The following DYNC2H1 variants were observed in gnomAD, a reference collection of about 807,000 sequenced individuals.
DYNC2H1 encodes the protein dynein cytoplasmic 2 heavy chain 1.
Under a neutral mutation model 570.0 loss-of-function variants are expected in DYNC2H1, and 410 were observed. The ratio of observed to expected loss-of-function variants is 0.72; its 90% CI spans 0.66 to 0.78. The LOEUF (loss-of-function observed/expected upper bound fraction) is 0.78, where lower values mean the gene tolerates loss of function less well. Among genes scored for constraint, DYNC2H1 ranks in the 30% least tolerant of loss-of-function variants. The probability of loss-of-function intolerance (pLI) is 0.00; values close to 1 mark genes in which losing one functional copy is unlikely to be tolerated. For synonymous variants in DYNC2H1, 1,688 were observed against 1,677.6 expected, an observed-to-expected ratio of 1.01 and a Z score of -0.15; for missense variants, 4,865 against 5,046.4, an observed-to-expected ratio of 0.96 and a Z score of 1.09.
At position 103,148,632 on chromosome 11, in the gene DYNC2H1, G is replaced by A; in HGVS notation, c.2946+15G>A. 1 of 1,545,186 alleles carries A rather than the reference G, an allele frequency of 6.5e-7. No homozygotes were observed. Among genetic ancestry groups the A allele is most frequent in the South Asian group, 1.2e-5 (1 of 80,574 alleles). ...GGAAGCCAGAGGTGAGAATCACAAA[G>A]TAAAATTATTATTATTACTTTTTAC... On this transcript the variant is annotated intron_variant, in intron 20 of 88. Transcript: ENST00000375735.
chr11:103,364,041 C>T (rs1940780087), intron 83 of DYNC2H1, among the ~76,000 whole-genome samples: 1 of 151,986 alleles, frequency 6.6e-6, no homozygotes, highest in Non-Finnish European at 1.5e-5. Context: ...TTCTAGATAT[C>T]TGACAGAGAA....
rs1864357011 is a variant in DYNC2H1 at position 103,239,753 on chromosome 11, T to TA, written c.9819+3218dup. ...AAGAGTTAGGCTTTAGTTTTATTTA[T>TA]AAAATGTTTTTGCATTTGTCCCATT... is the stretch of plus-strand genomic sequence containing the variant. On this transcript the variant is annotated intron_variant, in intron 63 of 88. Transcript: ENST00000375735. The surrounding 1 kb of genome is among the most constrained non-coding windows in gnomAD (Gnocchi z 4.3). 6.6e-6 allele frequency among the ~76,000 whole-genome samples: 1 copy of TA among 152,102 alleles called. No homozygotes were observed. The highest frequency in any genetic ancestry group is 2.4e-5 in the African/African-American group (1 of 41,416).
intron 55 of DYNC2H1, among the ~76,000 whole-genome samples, chr11:103,217,024 T>C (rs1863412025): frequency 6.6e-6 from 1 of 152,190 alleles, no homozygotes. Context: ...ATTCTGTCAA[T>C]TTTATTTCCC....
intron 17 of DYNC2H1, among the ~76,000 whole-genome samples, chr11:103,138,772 A>G (rs996085665): frequency 2.0e-5 from 3 of 152,168 alleles, no homozygotes; most frequent in African/African-American, 7.2e-5. Context: ...TGATTGGAAT[A>G]GTTTCAGAAG....
intron 85 of DYNC2H1, among the ~76,000 whole-genome samples, chr11:103,454,757 T>A (rs963607499): frequency 6.6e-6 from 1 of 152,158 alleles, no homozygotes; most frequent in African/African-American, 2.4e-5. Flanking sequence ...TTCTTGGACA[T>A]TGCCCTCCAC....
chr11:103,190,641 T>A (rs1489935808), intron 45 of DYNC2H1, among the ~76,000 whole-genome samples: 1 of 151,986 alleles, frequency 6.6e-6, no homozygotes, highest in Non-Finnish European at 1.5e-5. Context: ...AATATTGGAG[T>A]AGAAGTGGGG....
intron 54 of DYNC2H1, among the ~76,000 whole-genome samples, chr11:103,213,623 CT>C (rs200681632): frequency 0.051 from 1,795 of 34,944 alleles, 35 homozygotes; most frequent in African/African-American, 0.089. Context: ...ATTTGTGTGT[CT>C]TTTAAAAAAA....
chr11:103,439,008 A>G lies in DYNC2H1; in HGVS notation c.12456+2976A>G, dbSNP rs891454298. Among the ~76,000 whole-genome samples, 1 of 152,128 alleles carries G rather than the reference A, an allele frequency of 6.6e-6. No homozygotes were observed. Among genetic ancestry groups the G allele is most frequent in the Non-Finnish European group, 1.5e-5 (1 of 67,996 alleles). ...AAAGATAATTCCGCAAATGTGATTA[A>G]TACTTTCCTGGTGCCAAACACTGTG... On this transcript the variant is annotated intron_variant, in intron 85 of 88. Coordinates refer to ENST00000375735, the MANE Select transcript of DYNC2H1 (RefSeq NM_001377.3). This position sits in a 1 kb window ranked among gnomAD's most constrained non-coding sequence, Gnocchi z 4.1.
At chr11:103,128,047 A>G (rs1188454905) in intron 12 of DYNC2H1, among the ~76,000 whole-genome samples, 1 of 152,264 alleles carries the variant, frequency 6.6e-6, no homozygotes, top group Non-Finnish European at 1.5e-5. Flanking sequence ...AAATGTCTAG[A>G]GGAAGACTAT....
At position 103,299,928 on chromosome 11, in the gene DYNC2H1, A is replaced by G. The variant is rs1382163497; in HGVS notation, c.11096-3165A>G. Among the ~76,000 whole-genome samples the G allele has an allele frequency of 1.3e-5, 2 of 152,024 alleles. No homozygotes were observed. Among genetic ancestry groups the G allele is most frequent in the Non-Finnish European group, 2.9e-5 (2 of 67,986 alleles). ...TTCCATTTCTAAAGTGCAGTTTCCC[A>G]TTTAATTGGTTCATATATATTGGGT... On this transcript the variant is annotated intron_variant, in intron 75 of 88. Transcript: ENST00000375735. The surrounding 1 kb of genome is among the most constrained non-coding windows in gnomAD (Gnocchi z 4.5).
In DYNC2H1 at chr11:103,157,799, A is replaced by G. The variant is rs930478460; in HGVS notation, c.4128-878A>G. Among the ~76,000 whole-genome samples the G allele has an allele frequency of 2.0e-5, 3 of 152,174 alleles. No homozygotes were observed. The highest frequency in any genetic ancestry group is 4.4e-5 in the Non-Finnish European group (3 of 68,032). ...CTTTAAAATAGTTTCCCATTGTGCTAGGGATAAAGCATGATCTGCTCCTTG... is the reference window on the plus strand; with the variant it reads ...CTTTAAAATAGTTTCCCATTGTGCTGGGGATAAAGCATGATCTGCTCCTTG... On this transcript the variant is annotated intron_variant, in intron 26 of 88. Coordinates refer to ENST00000375735, the MANE Select transcript of DYNC2H1 (RefSeq NM_001377.3). The surrounding 1 kb of genome is among the most constrained non-coding windows in gnomAD (Gnocchi z 4.2).
At chr11:103,267,052 A>G (rs1287173121) in intron 70 of DYNC2H1, among the ~76,000 whole-genome samples, 4 of 152,058 alleles carry the variant, frequency 2.6e-5, no homozygotes, top group Admixed American at 1.3e-4. Flanking sequence ...CACTTCTGTA[A>G]GCCCCTCTCC....
intron 83 of DYNC2H1, among the ~76,000 whole-genome samples, chr11:103,390,969 T>C (rs1031665131): frequency 1.3e-5 from 2 of 152,174 alleles, no homozygotes; most frequent in African/African-American, 2.4e-5. Context: ...CTGACAATTA[T>C]GTGTTTTGGA....
intron 15 of DYNC2H1, 85 bp from the exon 16 acceptor site, chr11:103,135,410 T>A: frequency 8.1e-7 from 1 of 1,227,456 alleles, no homozygotes; most frequent in Non-Finnish European, 1.1e-6. Flanking sequence ...ATTATAATTG[T>A]GCATTATGTG....
At chr11:103,236,243 A>G (rs1436781873) in intron 62 of DYNC2H1, among the ~76,000 whole-genome samples, 187 bp from the exon 63 acceptor site, 2 of 151,992 alleles carry the variant, frequency 1.3e-5, no homozygotes, top group South Asian at 2.1e-4. Context: ...GTGGAGTTCC[A>G]TTCCTTTGCA....
At position 103,255,541 on chromosome 11, in the gene DYNC2H1, G is replaced by T; in HGVS notation, c.10326+7G>T. On this transcript the variant is annotated splice_region_variant and intron_variant, in intron 67 of 88. Coordinates refer to ENST00000375735, the MANE Select transcript of DYNC2H1 (RefSeq NM_001377.3). ...CGAAGAATCTCTTCTAGAGGTAAAA[G>T]TCTAGCTATTTAGGTTACTTTTTTC... is the stretch of plus-strand genomic sequence containing the variant. The T allele has an allele frequency of 1.3e-6, 2 of 1,529,276 alleles. No homozygotes were observed. Among genetic ancestry groups the T allele is most frequent in the Non-Finnish European group, 1.8e-6 (2 of 1,139,886 alleles). 94.7% of individuals were successfully genotyped at this position (1,529,276 alleles called of 1,614,324 possible).
chr11:103,389,184 G>A (rs1942026446), intron 83 of DYNC2H1, among the ~76,000 whole-genome samples: 1 of 152,186 alleles, frequency 6.6e-6, no homozygotes, highest in Non-Finnish European at 1.5e-5. Context: ...TTCAGATGCT[G>A]TTATTGATCT....
intron 13 of DYNC2H1, among the ~76,000 whole-genome samples, chr11:103,130,987 CAGTA>C (rs1292388226): frequency 6.6e-6 from 1 of 152,110 alleles, no homozygotes; most frequent in Non-Finnish European, 1.5e-5. Flanking sequence ...AGCAATAGAA[CAGTA>C]AGTGATATAT....
At position 103,325,615 on chromosome 11, in the gene DYNC2H1, T is replaced by C. The variant is rs12421587; in HGVS notation, c.12039+1625T>C. Among the ~76,000 whole-genome samples, 23,210 of 152,150 alleles carry C rather than the reference T, an allele frequency of 0.15. 1,901 individuals are homozygous for C. The highest frequency in any genetic ancestry group is 0.25 in the Admixed American group (3,787 of 15,268). On this transcript the variant is annotated intron_variant, in intron 82 of 88. Coordinates refer to ENST00000375735, the MANE Select transcript of DYNC2H1 (RefSeq NM_001377.3). The surrounding 1 kb of genome is among the most constrained non-coding windows in gnomAD (Gnocchi z 4.8). ...TCTTTGTGGAGATCTTTCACCTGTATACTGCTGTTAATACTTCTGATTGTA... is the reference window on the plus strand; with the variant it reads ...TCTTTGTGGAGATCTTTCACCTGTACACTGCTGTTAATACTTCTGATTGTA...
Sources: gnomAD v4.1 joint callset for allele counts (sites outside exome capture counted in the v4.1 genomes callset) on GRCh38, gnomAD v4.1.1 for gene constraint, Gnocchi (gnomAD v3.1) non-coding constraint, MANE v1.5 for transcripts, NCBI Gene and HGNC (gene_info 2026-07-23, HGNC 2026-07-21) for gene names.